ADCY5: variants seen among roughly 807,000 people sequenced by gnomAD.
ADCY5 encodes the protein adenylate cyclase type 5.
ADCY5 carries 30 observed loss-of-function variants against 119.7 expected under a neutral mutation model. That is an observed-to-expected ratio of 0.25 (90% CI 0.19 to 0.34). The LOEUF (loss-of-function observed/expected upper bound fraction) is 0.34. ADCY5 is among the 10% of genes least tolerant of loss of function. The pLI is 1.00. For missense variants in ADCY5, 1,324 were observed against 1,775.2 expected (o/e 0.75, Z 4.57); for synonymous variants, 753 against 762.2 (o/e 0.99, Z 0.20).
intron 1 of ADCY5, among the ~76,000 whole-genome samples, chr3:123,405,938 T>C (rs1007869152): frequency 1.1e-4 from 17 of 152,140 alleles, no homozygotes; most frequent in Non-Finnish European, 2.2e-4. Context: ...CCCAGCACTT[T>C]TTATTTTTCA....
At chr3:123,446,941 CCTT>C (rs1270520355) in intron 1 of ADCY5, among the ~76,000 whole-genome samples, 5 of 152,196 alleles carry the variant, frequency 3.3e-5, no homozygotes, top group Non-Finnish European at 7.3e-5. Context: ...GCTACCTCCT[CCTT>C]ACCACTGAGC....
chr3:123,378,724 C>A (rs1182147242), intron 1 of ADCY5, among the ~76,000 whole-genome samples: 1 of 152,214 alleles, frequency 6.6e-6, no homozygotes, highest in Non-Finnish European at 1.5e-5. Flanking sequence ...GGAGGGGAAG[C>A]CCTGGCCTAG....
intron 18 of ADCY5, 133 bp from the exon 19 acceptor site, chr3:123,290,087 T>C: frequency 1.2e-6 from 1 of 863,752 alleles, no homozygotes; most frequent in East Asian, 2.7e-5. Flanking sequence ...GTGGGGCCTG[T>C]CTCCATCCTC....
At chr3:123,443,859 C>A (rs1285094213) in intron 1 of ADCY5, among the ~76,000 whole-genome samples, 2 of 152,176 alleles carry the variant, frequency 1.3e-5, no homozygotes, top group African/African-American at 4.8e-5. Context: ...CATATTTGAA[C>A]AGGACTCTCC....
In ADCY5 at chr3:123,347,907, C is replaced by A. The variant is rs771374325; in HGVS notation, c.1285-4G>T. On this transcript the variant is annotated splice_polypyrimidine_tract_variant and splice_region_variant and intron_variant, in intron 2 of 20. Coordinates refer to ENST00000462833, the MANE Select transcript of ADCY5 (RefSeq NM_183357.3). Reference sequence around the variant, plus strand: ...GGACAGACAGCAGGAGCCGTTCCTGCAGAGGGAAGCACATGCTTTCATCAC... The same window carrying A: ...GGACAGACAGCAGGAGCCGTTCCTGAAGAGGGAAGCACATGCTTTCATCAC... 1 of 1,614,086 alleles carries A rather than the reference C, an allele frequency of 6.2e-7. No homozygotes were observed. Among genetic ancestry groups the A allele is most frequent in the Non-Finnish European group, 8.5e-7 (1 of 1,180,008 alleles).
At chr3:123,317,870 C>G in intron 11 of ADCY5, 150 bp downstream of exon 11, 1 of 699,532 alleles carries the variant, frequency 1.4e-6, no homozygotes, top group Non-Finnish European at 2.4e-6. Context: ...GGCTTCCTAC[C>G]CCACCAAGGG....
chr3:123,402,705 T>C (rs1674373621), intron 1 of ADCY5, among the ~76,000 whole-genome samples: 2 of 151,638 alleles, frequency 1.3e-5, no homozygotes, highest in Admixed American at 6.6e-5. Flanking sequence ...AAAAAAAAAT[T>C]AGTCAGGCGT....
At chr3:123,326,794 G>A (rs933459446) in intron 7 of ADCY5, among the ~76,000 whole-genome samples, 6 of 46,448 alleles carry the variant, frequency 1.3e-4, no homozygotes, top group Admixed American at 7.3e-4. Context: ...GTGTCCCTCT[G>A]ATGTCCCTCT....
At chr3:123,426,819 G>C (rs564820945) in intron 1 of ADCY5, among the ~76,000 whole-genome samples, 1 of 152,236 alleles carries the variant, frequency 6.6e-6, no homozygotes, top group South Asian at 2.1e-4. Context: ...CAAGGAATGA[G>C]GTCCTCAGAG....
chr3:123,392,605 C>A (rs1198803927), intron 1 of ADCY5, among the ~76,000 whole-genome samples: 1 of 152,228 alleles, frequency 6.6e-6, no homozygotes. Context: ...GGTGACAAAG[C>A]TGGAGTCTGA....
At chr3:123,376,275 G>C (rs971258214) in intron 1 of ADCY5, among the ~76,000 whole-genome samples, 2 of 145,026 alleles carry the variant, frequency 1.4e-5, no homozygotes, top group East Asian at 4.2e-4. Flanking sequence ...CATCACCATC[G>C]CTGCCATGAT....
intron 15 of ADCY5, 137 bp downstream of exon 15, chr3:123,299,983 C>G (rs1214866862): frequency 1.6e-5 from 15 of 966,794 alleles, no homozygotes; most frequent in Non-Finnish European, 2.3e-5. Context: ...GGCCGTTTTC[C>G]AGATGTCAGG....
At chr3:123,333,333 T>C (rs1046073099) in intron 3 of ADCY5, among the ~76,000 whole-genome samples, 1 of 152,206 alleles carries the variant, frequency 6.6e-6, no homozygotes, top group Non-Finnish European at 1.5e-5. Context: ...CTGTTGTCTG[T>C]AAGCCCCCGT....
In ADCY5 at chr3:123,448,040, G is replaced by C; in HGVS notation, c.506C>G (p.Ala169Gly). ...GGCGCCGGCCTCCAGCTCGTCGGCCGCGCGCCCCTTGCCCCGCCGCTCCTC... is the reference window on the plus strand; with the variant it reads ...GGCGCCGGCCTCCAGCTCGTCGGCCCCGCGCCCCTTGCCCCGCCGCTCCTC... The part of the protein sequence containing the change: ...GLEERRGKGR[A>G]ADELEAGAVE... The change falls in exon 1 of 21, where the codon GCG becomes GGG. Residue 169 changes from alanine (A) to glycine (G), a missense_variant. Transcript: ENST00000462833. 8.0e-7 allele frequency: 1 copy of C among 1,245,786 alleles called. No homozygotes were observed. The highest frequency in any genetic ancestry group is 1.0e-6 in the Non-Finnish European group (1 of 996,198). The allele number at this position is 1,245,786 out of a possible 1,614,324, so 77.2% of individuals were successfully genotyped here.
At chr3:123,328,871 G>T in intron 5 of ADCY5, 69 bp from the exon 6 acceptor site, 1 of 1,498,882 alleles carries the variant, frequency 6.7e-7, no homozygotes. Flanking sequence ...GGGTGAGGCT[G>T]CAGGTGCAGG....
chr3:123,290,026 T>A (rs1268456093), intron 18 of ADCY5, 72 bp from the exon 19 acceptor site: 8 of 1,502,350 alleles, frequency 5.3e-6, no homozygotes, highest in African/African-American at 1.4e-5. Flanking sequence ...GGACAGAGGA[T>A]GTCCAGGGAA....
intron 1 of ADCY5, among the ~76,000 whole-genome samples, chr3:123,386,418 C>A (rs1439034865): frequency 1.3e-5 from 2 of 152,222 alleles, no homozygotes; most frequent in East Asian, 1.9e-4. Flanking sequence ...TGCTGCCACT[C>A]CCCACCCATA....
intron 8 of ADCY5, among the ~76,000 whole-genome samples, chr3:123,323,139 C>T (rs1428488874): frequency 6.6e-6 from 1 of 152,230 alleles, no homozygotes; most frequent in African/African-American, 2.4e-5. Flanking sequence ...CCTCAGGGGA[C>T]ACCAGGCCCA....
At position 123,372,644 on chromosome 3, in the gene ADCY5, A is replaced by T. The variant is rs553870102; in HGVS notation, c.1135-20063T>A. ...ATGCCTGCCTCCCACCCCTAAAACC[A>T]CTGGGTGCCTGTGCCCCACACCAGC... On this transcript the variant is annotated intron_variant, in intron 1 of 20. Coordinates refer to ENST00000462833, the MANE Select transcript of ADCY5 (RefSeq NM_183357.3). Among the ~76,000 whole-genome samples, 4 of 152,070 alleles carry T rather than the reference A, an allele frequency of 2.6e-5. No individual in the cohort carries two copies. In the South Asian group the frequency reaches 8.3e-4, roughly 32 times the overall value.
Sources: allele counts gnomAD v4.1 joint callset (sites outside exome capture counted in the v4.1 genomes callset), GRCh38; gene constraint gnomAD v4.1.1; transcripts MANE v1.5; gene names NCBI Gene and HGNC (gene_info 2026-07-23, HGNC 2026-07-21).